The following ARHGAP26 variants were observed in gnomAD, a reference collection of about 807,000 sequenced individuals.
ARHGAP26 encodes Rho GTPase activating protein 26.
In ARHGAP26, 38 loss-of-function variants were observed where a neutral mutation model predicts 104.8. The ratio of observed to expected loss-of-function variants is 0.36; its 90% CI spans 0.28 to 0.48. ARHGAP26 has a LOEUF of 0.48. Ranked by LOEUF, ARHGAP26 falls within the 20% of genes least tolerant of loss-of-function variation. ARHGAP26 has a pLI of 0.99. For synonymous variants in ARHGAP26, 341 were observed against 340.0 expected, an observed-to-expected ratio of 1.00 and a Z score of -0.03; for missense variants, 704 against 947.9, an observed-to-expected ratio of 0.74 and a Z score of 3.38.
intron 14 of ARHGAP26, among the ~76,000 whole-genome samples, chr5:143,051,554 C>T (rs1785028912): frequency 6.6e-6 from 1 of 152,114 alleles, no homozygotes; most frequent in South Asian, 2.1e-4. Context: ...GTGAGGGGAG[C>T]ATCAGGAGGG....
At chr5:142,814,700 G>T (rs771597824) in intron 1 of ARHGAP26, among the ~76,000 whole-genome samples, 2 of 152,162 alleles carry the variant, frequency 1.3e-5, no homozygotes, top group Non-Finnish European at 2.9e-5. Flanking sequence ...CCACTAACCC[G>T]CATTCAGAAC....
intron 1 of ARHGAP26, among the ~76,000 whole-genome samples, chr5:142,839,084 A>T (rs930225309): frequency 6.6e-6 from 1 of 152,258 alleles, no homozygotes; most frequent in Admixed American, 6.5e-5. Flanking sequence ...GAGTATAACC[A>T]GGGATCTGCA....
At chr5:143,181,096 GC>G (rs1263873139) in intron 20 of ARHGAP26, among the ~76,000 whole-genome samples, 4 of 152,140 alleles carry the variant, frequency 2.6e-5, no homozygotes, top group African/African-American at 4.8e-5. Context: ...CACCACCTCA[GC>G]CCAAGCCTTG....
chr5:142,864,165 T>C (rs1753847904), intron 1 of ARHGAP26, among the ~76,000 whole-genome samples: 1 of 152,116 alleles, frequency 6.6e-6, no homozygotes, highest in African/African-American at 2.4e-5. Context: ...AAGCTCAAGT[T>C]CCACCTTCTG....
chr5:143,024,700 A>G (rs1780791555), intron 12 of ARHGAP26, among the ~76,000 whole-genome samples: 1 of 152,166 alleles, frequency 6.6e-6, no homozygotes. Context: ...TATGAGCTAG[A>G]TACTATTATT....
chr5:142,996,577 A>G (rs1411899855), intron 11 of ARHGAP26, among the ~76,000 whole-genome samples: 1 of 152,174 alleles, frequency 6.6e-6, no homozygotes, highest in African/African-American at 2.4e-5. Flanking sequence ...TCACCTAACT[A>G]AAAGCAAGTA....
At chr5:142,953,141 C>T (rs1307746709) in intron 11 of ARHGAP26, among the ~76,000 whole-genome samples, 1 of 152,176 alleles carries the variant, frequency 6.6e-6, no homozygotes, top group Non-Finnish European at 1.5e-5. Flanking sequence ...ACGCCCACAC[C>T]AACCAGGATT....
At chr5:142,804,561 G>A (rs1383849424) in intron 1 of ARHGAP26, among the ~76,000 whole-genome samples, 5 of 151,662 alleles carry the variant, frequency 3.3e-5, no homozygotes, top group African/African-American at 1.2e-4. Context: ...GTGTGATCTC[G>A]GCCCACTGCA....
At chr5:143,219,050 G>T (rs1008626028) in intron 22 of ARHGAP26, among the ~76,000 whole-genome samples, 1 of 152,242 alleles carries the variant, frequency 6.6e-6, no homozygotes, top group Non-Finnish European at 1.5e-5. Context: ...TTCGCAAAGG[G>T]TCTGCCACCT....
At position 143,195,801 on chromosome 5, in the gene ARHGAP26, G is replaced by T. The variant is rs370284748; in HGVS notation, c.1989-11397G>T. On this transcript the variant is annotated intron_variant, in intron 20 of 22. Coordinates refer to ENST00000645722, the MANE Select transcript of ARHGAP26 (RefSeq NM_001135608.3). ...TGGAGTAAAAGTTGTAGTTTGGGTGGCTGGGGAGACTTTTTTTTTTTTGTA... is the reference window on the plus strand; with the variant it reads ...TGGAGTAAAAGTTGTAGTTTGGGTGTCTGGGGAGACTTTTTTTTTTTTGTA... 3.3e-5 allele frequency among the ~76,000 whole-genome samples: 5 copies of T among 151,838 alleles called. No individual in the cohort carries two copies. In the East Asian group the frequency reaches 7.7e-4, roughly 23 times the overall value.
chr5:143,060,239 G>C (rs545840904), intron 17 of ARHGAP26, among the ~76,000 whole-genome samples: 107 of 152,294 alleles, frequency 7.0e-4, no homozygotes, highest in African/African-American at 2.2e-3. Context: ...GGCTGATTCT[G>C]CTGGAAAACT....
intron 1 of ARHGAP26, among the ~76,000 whole-genome samples, chr5:142,854,141 A>G (rs1751971511): frequency 6.6e-6 from 1 of 152,220 alleles, no homozygotes; most frequent in African/African-American, 2.4e-5. Context: ...ACACTTTGAT[A>G]AACTCTGTTA....
intron 20 of ARHGAP26, among the ~76,000 whole-genome samples, chr5:143,152,061 C>T (rs1799914179): frequency 6.6e-6 from 1 of 152,084 alleles, no homozygotes; most frequent in Admixed American, 6.6e-5. Flanking sequence ...TCAGTGATTG[C>T]CAGGGATTCT....
intron 11 of ARHGAP26, among the ~76,000 whole-genome samples, chr5:142,936,823 G>GAAA (rs202061609): frequency 7.9e-6 from 1 of 126,930 alleles, no homozygotes; most frequent in African/African-American, 2.7e-5. Flanking sequence ...ACATCCATAG[G>GAAA]AAAAAAAAAA....
At chr5:143,177,166 C>T (rs1562557558) in intron 20 of ARHGAP26, among the ~76,000 whole-genome samples, 1 of 152,144 alleles carries the variant, frequency 6.6e-6, no homozygotes, top group Non-Finnish European at 1.5e-5. Flanking sequence ...TGATCACTCA[C>T]TATATACAAT....
Position 143,121,078 on chromosome 5 carries a change from A to T in ARHGAP26, c.1629A>T (p.Thr543=), listed in dbSNP as rs944882821. Residue 543 remains threonine, a synonymous_variant, in exon 18 of 23, where the codon ACA becomes ACT. Transcript: ENST00000645722. ...CTCTGCTGAGGCCTCAGGAAGAAAC[A>T]GTAGCAGCCATCATGGACATCAAAT... ...GPTLLRPQEE[T]VAAIMDIKFQ... The T allele has an allele frequency of 1.2e-6, 2 of 1,613,848 alleles. No individual in the cohort carries two copies. Among genetic ancestry groups the T allele is most frequent in the Non-Finnish European group, 1.7e-6 (2 of 1,179,794 alleles).
chr5:143,217,357 G>A (rs1045063983), intron 22 of ARHGAP26, among the ~76,000 whole-genome samples: 3 of 152,154 alleles, frequency 2.0e-5, no homozygotes, highest in Non-Finnish European at 2.9e-5. Context: ...AATAATTCCA[G>A]TGTCATCCCT....
intron 11 of ARHGAP26, among the ~76,000 whole-genome samples, chr5:142,939,085 G>A (rs142226656): frequency 2.0e-4 from 31 of 152,294 alleles, no homozygotes; most frequent in Non-Finnish European, 3.7e-4. Context: ...CATAGCTGTG[G>A]AGCAGGAAGA....
At chr5:143,120,634 C>A (rs1048796541) in intron 17 of ARHGAP26, among the ~76,000 whole-genome samples, 7 of 152,098 alleles carry the variant, frequency 4.6e-5, no homozygotes, top group Non-Finnish European at 8.8e-5. Context: ...AAGCAGCTGC[C>A]AAGTACATAA....
Sources: allele counts gnomAD v4.1 joint callset (sites outside exome capture counted in the v4.1 genomes callset), GRCh38; gene constraint gnomAD v4.1.1; transcripts MANE v1.5; gene names NCBI Gene and HGNC (gene_info 2026-07-23, HGNC 2026-07-21).